Variants in SWT1 observed in about 807,000 individuals in gnomAD.
SWT1 encodes the protein SWT1 RNA endoribonuclease homolog.
SWT1 carries 33 observed loss-of-function variants against 107.3 expected under a neutral mutation model. The ratio of observed to expected loss-of-function variants is 0.31; its 90% CI spans 0.23 to 0.41. SWT1 has a LOEUF of 0.41. Among genes scored for constraint, SWT1 ranks in the 10% least tolerant of loss-of-function variants. The pLI, the probability that SWT1 is intolerant of heterozygous loss-of-function variation, is 1.00. For synonymous variants in SWT1, 345 were observed against 348.3 expected, an observed-to-expected ratio of 0.99 and a Z score of 0.11; for missense variants, 898 against 1,028.9, an observed-to-expected ratio of 0.87 and a Z score of 1.74.
intron 15 of SWT1, among the ~76,000 whole-genome samples, chr1:185,226,523 G>A (rs985000871): frequency 6.6e-6 from 1 of 152,054 alleles, no homozygotes; most frequent in African/African-American, 2.4e-5. Flanking sequence ...ATCACTTGAG[G>A]CCAAATGTTT....
intron 7 of SWT1, among the ~76,000 whole-genome samples, chr1:185,182,614 A>G (rs2102378331): frequency 6.8e-6 from 1 of 147,408 alleles, no homozygotes; most frequent in South Asian, 2.1e-4. Context: ...GCAGTGTGCC[A>G]AGATTGTGCC....
intron 15 of SWT1, among the ~76,000 whole-genome samples, chr1:185,224,613 G>C (rs1023886081): frequency 6.6e-6 from 1 of 152,130 alleles, no homozygotes; most frequent in Non-Finnish European, 1.5e-5. Context: ...ACATGAACAT[G>C]AGATATCTTT....
intron 10 of SWT1, among the ~76,000 whole-genome samples, chr1:185,193,700 C>T (rs1011705747): frequency 1.3e-5 from 2 of 152,020 alleles, no homozygotes; most frequent in Non-Finnish European, 2.9e-5. Context: ...CTCCTGACCT[C>T]GTGATCCTCC....
rs574842852 is a variant in SWT1, at chr1:185,198,352, C to T, written c.1524-4302C>T. ...TTTGCATTTGCTGAGGAGTGTTTTA[C>T]TTCAAATTATGTGGTCAGTTTTAGA... is the stretch of plus-strand genomic sequence containing the variant. On this transcript the variant is annotated intron_variant, in intron 10 of 18. Coordinates refer to ENST00000367500, the MANE Select transcript of SWT1 (RefSeq NM_017673.7). 1.6e-4 allele frequency among the ~76,000 whole-genome samples: 25 copies of T among 152,260 alleles called. No individual in the cohort carries two copies. The South Asian group carries it at 4.8e-3, about 29-fold the overall frequency.
intron 9 of SWT1, among the ~76,000 whole-genome samples, chr1:185,189,041 C>T (rs1656725407): frequency 1.3e-5 from 2 of 152,070 alleles, no homozygotes; most frequent in South Asian, 2.1e-4. Flanking sequence ...TGCAGTGGCA[C>T]GATCATAGCT....
At chr1:185,284,331 T>C (rs1175425492) in intron 18 of SWT1, among the ~76,000 whole-genome samples, 2 of 152,238 alleles carry the variant, frequency 1.3e-5, no homozygotes, top group Non-Finnish European at 2.9e-5. Context: ...TAGAATTCTT[T>C]ATGAGGAATT....
intron 13 of SWT1, 55 bp downstream of exon 13, chr1:185,206,818 A>G (rs979335880): frequency 4.1e-6 from 5 of 1,227,746 alleles, no homozygotes; most frequent in Non-Finnish European, 4.4e-6. Context: ...AGACTAGCAG[A>G]TATATTTCCT....
intron 16 of SWT1, among the ~76,000 whole-genome samples, chr1:185,241,317 T>C (rs1200586487): frequency 3.3e-5 from 5 of 152,138 alleles, no homozygotes; most frequent in African/African-American, 9.6e-5. Flanking sequence ...TGTTTGTGTC[T>C]GACCTACTTT....
chr1:185,183,188 C>G (rs1424249353), intron 7 of SWT1, among the ~76,000 whole-genome samples: 1 of 151,392 alleles, frequency 6.6e-6, no homozygotes, highest in Non-Finnish European at 1.5e-5. Context: ...CAGTTTTCAT[C>G]TTTCAAGTGT....
At position 185,231,587 on chromosome 1, in the gene SWT1, T is replaced by A. The variant is rs1660511492; in HGVS notation, c.2320T>A (p.Phe774Ile). 1.2e-6 allele frequency: 2 copies of A among 1,607,490 alleles called. No individual in the cohort carries two copies. Among genetic ancestry groups the A allele is most frequent in the Non-Finnish European group, 1.7e-6 (2 of 1,175,192 alleles). The change falls in exon 16 of 19, where the codon TTT becomes ATT. Residue 774 changes from phenylalanine to isoleucine, a missense_variant. Coordinates refer to ENST00000367500, the MANE Select transcript of SWT1 (RefSeq NM_017673.7). Reference protein sequence around the residue: ...ITIYQNSTDVFQRLGSNSALT... With the variant: ...ITIYQNSTDVIQRLGSNSALT... ...TTTTCTCTATTTTAGCACGGATGTA[T>A]TTCAAAGATTGGGCTCAAATTCAGC...
chr1:185,172,629 A>G (rs1655169270), intron 4 of SWT1, among the ~76,000 whole-genome samples: 2 of 152,162 alleles, frequency 1.3e-5, no homozygotes, highest in African/African-American at 4.8e-5. Context: ...TTTAATTTAT[A>G]TTCACATTTC....
intron 10 of SWT1, among the ~76,000 whole-genome samples, chr1:185,201,650 C>A (rs1178840277): frequency 6.6e-6 from 1 of 152,182 alleles, no homozygotes; most frequent in Admixed American, 6.5e-5. Flanking sequence ...CACCTGCTTT[C>A]TGCATTGATC....
chr1:185,287,324 A>G (rs1243187326), intron 18 of SWT1, among the ~76,000 whole-genome samples: 1 of 152,206 alleles, frequency 6.6e-6, no homozygotes, highest in Non-Finnish European at 1.5e-5. Context: ...ATCTAGAGAA[A>G]TAGTGGCTGT....
chr1:185,270,111 T>C (rs1663746069), intron 16 of SWT1, among the ~76,000 whole-genome samples: 1 of 152,180 alleles, frequency 6.6e-6, no homozygotes, highest in Non-Finnish European at 1.5e-5. Flanking sequence ...AATTTAATTC[T>C]TGCAGTAGCC....
chr1:185,204,921 T>C, intron 12 of SWT1, 58 bp downstream of exon 12: 1 of 1,011,400 alleles, frequency 9.9e-7, no homozygotes, highest in Middle Eastern at 2.6e-4. Context: ...AGATTTGTTA[T>C]CTTAAGAAAT....
At chr1:185,261,901 G>C (rs1311771789) in intron 16 of SWT1, among the ~76,000 whole-genome samples, 1 of 152,114 alleles carries the variant, frequency 6.6e-6, no homozygotes, top group African/African-American at 2.4e-5. Context: ...ATTGTCAAAA[G>C]TCTCTGCATC....
chr1:185,208,022 A>T (rs149022797), intron 13 of SWT1, among the ~76,000 whole-genome samples: 2 of 152,318 alleles, frequency 1.3e-5, no homozygotes, highest in East Asian at 1.9e-4. Context: ...TATATTAATT[A>T]TATCCAGCGT....
chr1:185,187,168 C>T (rs558335162), intron 9 of SWT1, among the ~76,000 whole-genome samples: 13 of 150,222 alleles, frequency 8.7e-5, no homozygotes, highest in Admixed American at 2.7e-4. Context: ...AAGAGCTTCT[C>T]GTGCCTCAGC....
chr1:185,185,465 T>C (rs1656389832), intron 9 of SWT1, among the ~76,000 whole-genome samples: 1 of 152,188 alleles, frequency 6.6e-6, no homozygotes, highest in Non-Finnish European at 1.5e-5. Context: ...ATGTTCTTTA[T>C]GTTTTATATA....
Sources: gnomAD v4.1 joint callset for allele counts (sites outside exome capture counted in the v4.1 genomes callset) on GRCh38, gnomAD v4.1.1 for gene constraint, MANE v1.5 for transcripts, NCBI Gene and HGNC (gene_info 2026-07-23, HGNC 2026-07-21) for gene names.